Variants in RAB38 observed in about 807,000 individuals in gnomAD.
RAB38 encodes RAB38, member RAS oncogene family, also known as ras-related protein Rab-38.
In RAB38, 15 loss-of-function variants were observed where a neutral mutation model predicts 18.4. That is an observed-to-expected ratio of 0.82 (90% CI 0.55 to 1.26). The LOEUF (loss-of-function observed/expected upper bound fraction) is 1.26, where lower values mean the gene tolerates loss of function less well. Among genes scored for constraint, RAB38 ranks in the 50% most tolerant of loss-of-function variants. The pLI, the probability that RAB38 is intolerant of heterozygous loss-of-function variation, is 0.00. For missense variants in RAB38, 294 were observed against 267.4 expected (o/e 1.10, Z -0.69); for synonymous variants, 101 against 104.4 (o/e 0.97, Z 0.20).
At chr11:88,130,428 T>C (rs1015663966) in intron 2 of RAB38, among the ~76,000 whole-genome samples, 37 of 152,086 alleles carry the variant, frequency 2.4e-4, no homozygotes, top group Non-Finnish European at 4.4e-5. Flanking sequence ...AAAAAGACTG[T>C]TTTGGAATTT....
At chr11:87,949,550 C>T in the RAB38 span, among the ~76,000 whole-genome samples, 2 of 152,212 alleles carry the variant, frequency 1.3e-5, no homozygotes, top group African/African-American at 4.8e-5. Flanking sequence ...TCCCTCTACA[C>T]ACTGCTTTGA....
chr11:87,933,750 A>G, the RAB38 span, among the ~76,000 whole-genome samples: 1 of 152,124 alleles, frequency 6.6e-6, no homozygotes, highest in Non-Finnish European at 1.5e-5. Context: ...AGATCCACCA[A>G]TGGCAAGACG....
the RAB38 span, among the ~76,000 whole-genome samples, chr11:87,960,444 C>A: frequency 6.6e-6 from 1 of 150,746 alleles, no homozygotes. Context: ...CTGGGCATGA[C>A]TGAAGCAAAG....
chr11:87,948,691 A>ATTATG, the RAB38 span, among the ~76,000 whole-genome samples: 3 of 81,798 alleles, frequency 3.7e-5, no homozygotes, highest in African/African-American at 1.5e-4. Flanking sequence ...TATATGCTGG[A>ATTATG]TTTATTGATT....
the RAB38 span, among the ~76,000 whole-genome samples, chr11:88,008,025 A>G: frequency 7.2e-5 from 11 of 152,286 alleles, no homozygotes; most frequent in East Asian, 2.1e-3. Context: ...TTCACATACA[A>G]ACAAATCTAT....
At chr11:88,126,670 T>C (rs904943479) in intron 2 of RAB38, among the ~76,000 whole-genome samples, 2 of 149,598 alleles carry the variant, frequency 1.3e-5, no homozygotes, top group Non-Finnish European at 3.0e-5. Context: ...CTGCACATTG[T>C]GCACATGTAC....
chr11:88,147,143 A>G (rs1346160495), intron 2 of RAB38, among the ~76,000 whole-genome samples: 1 of 152,084 alleles, frequency 6.6e-6, no homozygotes, highest in Non-Finnish European at 1.5e-5. Context: ...CTTTCTTCTT[A>G]TTAGCACTTA....
the RAB38 span, among the ~76,000 whole-genome samples, chr11:87,932,662 C>T: frequency 6.6e-6 from 1 of 152,098 alleles, no homozygotes; most frequent in African/African-American, 2.4e-5. Context: ...TTGCTCTCTG[C>T]TGTGTTAGAT....
At chr11:88,148,234 G>C (rs1253055188) in intron 2 of RAB38, among the ~76,000 whole-genome samples, 13 of 152,296 alleles carry the variant, frequency 8.5e-5, no homozygotes, top group Admixed American at 6.5e-5. Context: ...TGACAGAAGA[G>C]CAAGGAGACA....
At chr11:87,843,816 CTG>C in the RAB38 span, among the ~76,000 whole-genome samples, 1 of 152,132 alleles carries the variant, frequency 6.6e-6, no homozygotes, top group Non-Finnish European at 1.5e-5. Context: ...ATTTATATGA[CTG>C]AAAAAGAAAA....
chr11:88,012,391 T>C, the RAB38 span, among the ~76,000 whole-genome samples: 1 of 152,118 alleles, frequency 6.6e-6, no homozygotes, highest in African/African-American at 2.4e-5. Context: ...GGGACCAGGA[T>C]TGTTGGTAAG....
the RAB38 span, among the ~76,000 whole-genome samples, chr11:88,092,378 GA>G: frequency 9.3e-3 from 259 of 27,930 alleles, 39 homozygotes; most frequent in East Asian, 0.021. Flanking sequence ...GAGAGAGAGA[GA>G]GAGAGAGAGA....
At chr11:87,977,855 T>C in the RAB38 span, among the ~76,000 whole-genome samples, 2 of 109,650 alleles carry the variant, frequency 1.8e-5, no homozygotes, top group South Asian at 5.9e-4. Flanking sequence ...TAATGGATAG[T>C]AATATACTTA....
At chr11:87,841,276 C>G in the RAB38 span, among the ~76,000 whole-genome samples, 2 of 152,182 alleles carry the variant, frequency 1.3e-5, no homozygotes, top group East Asian at 1.9e-4. Context: ...TACCCACATG[C>G]TGTTCTTATG....
At chr11:88,107,793 T>C in the RAB38 span, among the ~76,000 whole-genome samples, 1 of 152,200 alleles carries the variant, frequency 6.6e-6, no homozygotes, top group African/African-American at 2.4e-5. Flanking sequence ...GCTTTAGCCA[T>C]GTCCCAGAGA....
At chr11:88,018,926 A>G in the RAB38 span, among the ~76,000 whole-genome samples, 1 of 151,836 alleles carries the variant, frequency 6.6e-6, no homozygotes, top group African/African-American at 2.4e-5. Context: ...AGCAACATTG[A>G]TATACTCAAT....
At chr11:87,882,624 A>G in the RAB38 span, among the ~76,000 whole-genome samples, 4 of 151,888 alleles carry the variant, frequency 2.6e-5, no homozygotes, top group East Asian at 7.8e-4. Context: ...AAAATATAAT[A>G]GGGAGTGATG....
chr11:88,138,763 AT>A (rs1565214048), intron 2 of RAB38, among the ~76,000 whole-genome samples: 1 of 146,320 alleles, frequency 6.8e-6, no homozygotes, highest in Non-Finnish European at 1.5e-5. Context: ...TATACATACA[AT>A]TTTTATTATT....
At chr11:88,023,067 A>C in the RAB38 span, among the ~76,000 whole-genome samples, 1 of 152,114 alleles carries the variant, frequency 6.6e-6, no homozygotes, top group Non-Finnish European at 1.5e-5. Context: ...TTAATAACTG[A>C]GTGTGACAAA....
Sources: allele counts gnomAD v4.1 joint callset (sites outside exome capture counted in the v4.1 genomes callset), GRCh38; gene constraint gnomAD v4.1.1; transcripts MANE v1.5; gene names NCBI Gene and HGNC (gene_info 2026-07-23, HGNC 2026-07-21).